Variants in CDK14 observed in about 807,000 individuals in gnomAD.
CDK14 encodes cyclin dependent kinase 14.
A neutral mutation model predicts 60.7 loss-of-function variants in CDK14; 34 were observed. That is an observed-to-expected ratio of 0.56 (90% CI 0.43 to 0.75). CDK14 has a LOEUF of 0.75. Among genes scored for constraint, CDK14 ranks in the 30% least tolerant of loss-of-function variants. The pLI, the probability that CDK14 is intolerant of heterozygous loss-of-function variation, is 0.00. For synonymous variants in CDK14, 197 were observed against 203.7 expected (o/e 0.97, Z 0.28); for missense variants, 482 against 564.1 (o/e 0.85, Z 1.47).
intron 14 of CDK14, among the ~76,000 whole-genome samples, chr7:91,175,759 C>T (rs1360031368): frequency 2.7e-5 from 4 of 147,278 alleles, no homozygotes; most frequent in African/African-American, 1.0e-4. Context: ...GAAGAGCTAA[C>T]TATCCTAAAT....
chr7:90,904,500 A>G (rs1438188005), intron 7 of CDK14, among the ~76,000 whole-genome samples: 1 of 152,138 alleles, frequency 6.6e-6, no homozygotes, highest in Non-Finnish European at 1.5e-5. Flanking sequence ...AAATATAACA[A>G]ATTAAAAACA....
chr7:91,070,677 T>C (rs1358529064), intron 11 of CDK14, among the ~76,000 whole-genome samples: 1 of 152,106 alleles, frequency 6.6e-6, no homozygotes, highest in African/African-American at 2.4e-5. Context: ...AGAGGATCAG[T>C]TGAGCTTGGG....
chr7:90,750,969 T>C (rs1396322293), intron 4 of CDK14, among the ~76,000 whole-genome samples: 1 of 152,198 alleles, frequency 6.6e-6, no homozygotes, highest in East Asian at 1.9e-4. Context: ...AGACCAATCT[T>C]CTTAACCCAG....
chr7:90,813,472 G>A lies in CDK14; in HGVS notation c.544+22820G>A, dbSNP rs370054230. ...TAACAAAAATGACTGATCTGGCTGGGCGTGGTGGCTCATGCCTGTAATCCC... is the reference window on the plus strand; with the variant it reads ...TAACAAAAATGACTGATCTGGCTGGACGTGGTGGCTCATGCCTGTAATCCC... On this transcript the variant is annotated intron_variant, in intron 5 of 14. Coordinates refer to ENST00000380050, the MANE Select transcript of CDK14 (RefSeq NM_001287135.2). 1.2e-4 allele frequency among the ~76,000 whole-genome samples: 18 copies of A among 152,344 alleles called. 1 individual carries two copies. In the South Asian group the frequency reaches 3.5e-3, roughly 30 times the overall value.
At chr7:90,755,965 C>G (rs1410108290) in intron 4 of CDK14, among the ~76,000 whole-genome samples, 2 of 152,116 alleles carry the variant, frequency 1.3e-5, no homozygotes, top group East Asian at 1.9e-4. Context: ...TGAGGTGGGT[C>G]CCATTATTGT....
chr7:90,765,643 G>A (rs1264453356), intron 4 of CDK14, among the ~76,000 whole-genome samples: 1 of 150,508 alleles, frequency 6.6e-6, no homozygotes, highest in Non-Finnish European at 1.5e-5. Context: ...TGGTGGGGAT[G>A]GATACTAATT....
chr7:90,942,054 G>C lies in CDK14; in HGVS notation c.827-13643G>C, dbSNP rs564535408. 5.3e-5 allele frequency among the ~76,000 whole-genome samples: 8 copies of C among 152,310 alleles called. No individual in the cohort carries two copies. In the East Asian group the frequency reaches 1.5e-3, roughly 29 times the overall value. On this transcript the variant is annotated intron_variant, in intron 8 of 14. Transcript: ENST00000380050. ...AAGGCTGGACATTTGGGGATGGGCAGGGCAGAGCAGAGGTATCACCCACTT... is the reference window on the plus strand; with the variant it reads ...AAGGCTGGACATTTGGGGATGGGCACGGCAGAGCAGAGGTATCACCCACTT...
rs181636609 is a variant in CDK14 at position 90,779,309 on chromosome 7, G to A, written c.465-11264G>A. On this transcript the variant is annotated intron_variant, in intron 4 of 14. Transcript: ENST00000380050. The stretch of plus-strand genomic sequence containing the variant: ...TGCTGTGTTGCCTAGGCTGAAGTGC[G>A]TGGTACAATCATAGCTTGCTATAAC... 7.2e-5 allele frequency among the ~76,000 whole-genome samples: 11 copies of A among 152,222 alleles called. No individual in the cohort carries two copies. In the East Asian group the frequency reaches 1.9e-3, roughly 27 times the overall value.
chr7:90,826,626 A>G (rs888868620), intron 5 of CDK14, among the ~76,000 whole-genome samples: 1 of 152,246 alleles, frequency 6.6e-6, no homozygotes, highest in Admixed American at 6.5e-5. Flanking sequence ...TGTTTTTTAA[A>G]AAGGCTTAAT....
chr7:91,123,978 G>C (rs43001), intron 14 of CDK14, among the ~76,000 whole-genome samples: 122,618 of 152,004 alleles, frequency 0.81, 49,475 homozygotes, highest in East Asian at 0.84. Flanking sequence ...GCTGAACTTC[G>C]TGTGTTCAAG....
In CDK14 at chr7:91,091,190, G is replaced by A. The variant is rs554023959; in HGVS notation, c.1154+11710G>A. Among the ~76,000 whole-genome samples, 8 of 150,804 alleles carry A rather than the reference G, an allele frequency of 5.3e-5. No homozygotes were observed. In the East Asian group the frequency reaches 1.4e-3, roughly 26 times the overall value. The stretch of plus-strand genomic sequence containing the variant: ...GTGGACAGATCACTTGAGTCCAGGA[G>A]TTTGGGATGAGACTAGGTGACATGA... On this transcript the variant is annotated intron_variant, in intron 12 of 14. Coordinates refer to ENST00000380050, the MANE Select transcript of CDK14 (RefSeq NM_001287135.2).
At chr7:91,048,741 A>C (rs1158010867) in intron 11 of CDK14, among the ~76,000 whole-genome samples, 1 of 152,188 alleles carries the variant, frequency 6.6e-6, no homozygotes, top group Non-Finnish European at 1.5e-5. Context: ...TTTAATTTGC[A>C]TGTGTCTTGT....
chr7:90,839,438 A>G lies in CDK14; in HGVS notation c.545-23737A>G, dbSNP rs186491048. ...TTTCAGTGTGGTGAAATCCACAGCA[A>G]GATAGCTTTCTAGTGACGAAGGTTG... On this transcript the variant is annotated intron_variant, in intron 5 of 14. Transcript: ENST00000380050. 5.9e-5 allele frequency among the ~76,000 whole-genome samples: 9 copies of G among 152,326 alleles called. No individual in the cohort carries two copies. The East Asian group carries it at 1.5e-3, about 26-fold the overall frequency.
chr7:90,933,511 G>A (rs1273914107), intron 8 of CDK14, among the ~76,000 whole-genome samples: 11 of 152,136 alleles, frequency 7.2e-5, no homozygotes, highest in Admixed American at 5.9e-4. Flanking sequence ...GAGAAGTTAT[G>A]TAAACAGAGG....
chr7:91,134,321 A>C (rs1431663770), intron 14 of CDK14, among the ~76,000 whole-genome samples: 1 of 152,088 alleles, frequency 6.6e-6, no homozygotes, highest in Non-Finnish European at 1.5e-5. Context: ...TTATCACTTC[A>C]CCTCATCCCC....
intron 5 of CDK14, among the ~76,000 whole-genome samples, chr7:90,814,155 A>G (rs914723469): frequency 3.9e-5 from 6 of 152,218 alleles, no homozygotes; most frequent in African/African-American, 1.4e-4. Flanking sequence ...GTAAAGAAAG[A>G]TGTATAATTG....
chr7:90,885,999 A>T (rs986069345), intron 6 of CDK14, among the ~76,000 whole-genome samples: 3 of 152,238 alleles, frequency 2.0e-5, no homozygotes, highest in Non-Finnish European at 4.4e-5. Flanking sequence ...ACAAACCTGC[A>T]CATTCTGCAC....
intron 5 of CDK14, among the ~76,000 whole-genome samples, chr7:90,832,667 A>G (rs910202274): frequency 2.0e-5 from 3 of 152,212 alleles, no homozygotes; most frequent in African/African-American, 7.2e-5. Context: ...AGTATCATTG[A>G]TAAGTCTTGT....
At chr7:90,971,983 A>G (rs1271586896) in intron 9 of CDK14, among the ~76,000 whole-genome samples, 2 of 152,180 alleles carry the variant, frequency 1.3e-5, no homozygotes, top group Admixed American at 6.6e-5. Flanking sequence ...ACTGAACTAC[A>G]TTAGCTTAGC....
Sources: allele counts gnomAD v4.1 joint callset (sites outside exome capture counted in the v4.1 genomes callset), GRCh38; gene constraint gnomAD v4.1.1; transcripts MANE v1.5; gene names NCBI Gene and HGNC (gene_info 2026-07-23, HGNC 2026-07-21).